STON2: variants seen among roughly 807,000 people sequenced by gnomAD.
STON2 encodes stonin 2.
STON2 carries 29 observed loss-of-function variants against 65.7 expected under a neutral mutation model. That is an observed-to-expected ratio of 0.44 (90% CI 0.33 to 0.60). The LOEUF (loss-of-function observed/expected upper bound fraction) is 0.60, where lower values mean the gene tolerates loss of function less well. Among genes scored for constraint, STON2 ranks in the 20% least tolerant of loss-of-function variants. The pLI is 0.03. For missense variants in STON2, 1,054 were observed against 1,118.1 expected (o/e 0.94, Z 0.82); for synonymous variants, 404 against 414.2 (o/e 0.98, Z 0.30).
At chr14:81,334,919 C>A (rs1298918714) in intron 4 of STON2, among the ~76,000 whole-genome samples, 1 of 152,130 alleles carries the variant, frequency 6.6e-6, no homozygotes, top group Non-Finnish European at 1.5e-5. Context: ...CTCACTGCAA[C>A]CTGTATCTCC....
In STON2 at chr14:81,382,223, A is replaced by G. The variant is rs187919560; in HGVS notation, c.374-11038T>C. Among the ~76,000 whole-genome samples, 842 of 151,068 alleles carry G rather than the reference A, an allele frequency of 5.6e-3. 5 individuals carry two copies. Among genetic ancestry groups the G allele is most frequent in the South Asian group, 0.031 (147 of 4,782 alleles). On this transcript the variant is annotated intron_variant, in intron 3 of 7. Transcript: ENST00000614646. ...GACAGAGCAAGACTCTGTCTCAAAA[A>G]AAAAGAAAAGAAAAGAAAAGAAACA...
At chr14:81,392,557 T>A (rs752098572) in intron 3 of STON2, among the ~76,000 whole-genome samples, 27 of 152,210 alleles carry the variant, frequency 1.8e-4, no homozygotes, top group Non-Finnish European at 3.7e-4. Flanking sequence ...TGTAGCATAG[T>A]CATGAAAGTG....
At chr14:81,415,490 T>C (rs773833562) in intron 2 of STON2, among the ~76,000 whole-genome samples, 1 of 151,978 alleles carries the variant, frequency 6.6e-6, no homozygotes, top group Non-Finnish European at 1.5e-5. Flanking sequence ...CTCTGCTAGA[T>C]GTTAGGGATA....
exon 2 of STON2, chr14:81,427,180 G>A (rs1380224780): frequency 4.6e-5 from 7 of 152,128 alleles, no homozygotes; most frequent in East Asian, 1.9e-4. Flanking sequence ...CTCCATCCAC[G>A]AGATGTACTT....
intron 2 of STON2, among the ~76,000 whole-genome samples, chr14:81,423,791 C>T (rs528492821): frequency 1.3e-5 from 2 of 152,222 alleles, no homozygotes; most frequent in Non-Finnish European, 2.9e-5. Context: ...AACAAGAAAC[C>T]GACGCATCCC....
At position 81,278,419 on chromosome 14, in the gene STON2, T is replaced by A; in HGVS notation, c.1063A>T (p.Asn355Tyr). The A allele has an allele frequency of 6.2e-7, 1 of 1,614,196 alleles. No homozygotes were observed. Among genetic ancestry groups the A allele is most frequent in the Non-Finnish European group, 8.5e-7 (1 of 1,180,044 alleles). Residue 355 changes from asparagine to tyrosine, a missense_variant, in exon 6 of 8, where the codon AAC becomes TAC. Physicochemically the swap from Asn to Tyr is moderately radical, Grantham distance 143. Coordinates refer to ENST00000614646, the MANE Select transcript of STON2 (RefSeq NM_001394390.1). The stretch of plus-strand genomic sequence containing the variant: ...GCCTCAGTTACAGAAGGCGTGCGGT[T>A]TAAAGAGGAAATATCCAGCTTCTGA... ...KVQKLDISSL[N>Y]RTPSVTEASP...
intron 2 of STON2, chr14:81,418,124 TG>T (rs1776287765): frequency 6.6e-6 from 1 of 152,612 alleles, no homozygotes; most frequent in African/African-American, 2.4e-5. Context: ...TACCCAAGAC[TG>T]GGCAATTTAC....
chr14:81,263,100 T>C lies in STON2; in HGVS notation c.*5314A>G. The C allele has an allele frequency of 1.0e-6, 1 of 985,388 alleles. No individual in the cohort carries two copies. The highest frequency in any genetic ancestry group is 1.2e-6 in the Non-Finnish European group (1 of 829,892). The allele number at this position is 985,388 out of a possible 1,614,324, so 61.0% of individuals were successfully genotyped here. ...CAGTGCATTTACCAAATGATATTTTTTTGTGGATTTAATTTTTTGTTAGTT... is the reference window on the plus strand; with the variant it reads ...CAGTGCATTTACCAAATGATATTTTCTTGTGGATTTAATTTTTTGTTAGTT... On this transcript the variant is annotated 3_prime_UTR_variant, in exon 8 of 8. Coordinates refer to ENST00000614646, the MANE Select transcript of STON2 (RefSeq NM_001394390.1).
chr14:81,379,608 T>C (rs1899417898), intron 3 of STON2, among the ~76,000 whole-genome samples: 1 of 152,124 alleles, frequency 6.6e-6, no homozygotes, highest in Admixed American at 6.6e-5. Context: ...CACCACAGGC[T>C]ACAATAATTA....
chr14:81,378,857 G>A (rs1899380040), intron 3 of STON2, among the ~76,000 whole-genome samples: 1 of 152,022 alleles, frequency 6.6e-6, no homozygotes, highest in African/African-American at 2.4e-5. Flanking sequence ...TATAGAAAAA[G>A]CACTAAAAAT....
In STON2 at chr14:81,277,315, G is replaced by A. The variant is rs767964985; in HGVS notation, c.2167C>T (p.Pro723Ser). 4.3e-6 allele frequency: 7 copies of A among 1,614,160 alleles called. No homozygotes were observed. In the South Asian group the frequency reaches 4.4e-5, roughly 10 times the overall value. The change falls in exon 6 of 8, where the codon CCT becomes TCT. Residue 723 changes from proline (P) to serine (S), a missense_variant. Coordinates refer to ENST00000614646, the MANE Select transcript of STON2 (RefSeq NM_001394390.1). The stretch of plus-strand genomic sequence containing the variant: ...AGCTCAAACCGGCACGCATCCAAAG[G>A]GTTGAACAGAATGACCCGTGAGTTG... Reference protein sequence around the residue: ...FHNSRVILFNPLDACRFELMR... With the variant: ...FHNSRVILFNSLDACRFELMR...
At chr14:81,310,175 G>A (rs564634832) in intron 5 of STON2, among the ~76,000 whole-genome samples, 1 of 152,138 alleles carries the variant, frequency 6.6e-6, no homozygotes, top group African/African-American at 2.4e-5. Flanking sequence ...ACTTTGGCCA[G>A]AATGAGTTAA....
chr14:81,323,277 G>A (rs1896885380), intron 5 of STON2, among the ~76,000 whole-genome samples: 1 of 152,160 alleles, frequency 6.6e-6, no homozygotes, highest in Non-Finnish European at 1.5e-5. Flanking sequence ...AGCAACTGAG[G>A]GAGAGGGCCT....
intron 4 of STON2, among the ~76,000 whole-genome samples, chr14:81,331,267 A>T (rs1431062919): frequency 6.6e-6 from 1 of 152,246 alleles, no homozygotes; most frequent in Non-Finnish European, 1.5e-5. Flanking sequence ...AGCAAGAAAG[A>T]GACTTTAGCC....
At chr14:81,434,957 C>G (rs1902359277) in intron 1 of STON2, among the ~76,000 whole-genome samples, 2 of 151,866 alleles carry the variant, frequency 1.3e-5, no homozygotes, top group Admixed American at 1.3e-4. Context: ...TTTTTTTTCT[C>G]TCTCTCTCTT....
chr14:81,436,165 G>T, intron 1 of STON2: 2 of 152,056 alleles, frequency 1.3e-5, no homozygotes, highest in South Asian at 4.1e-4. Flanking sequence ...CGCGTGGCTC[G>T]ACCAGGCAGG....
intron 4 of STON2, among the ~76,000 whole-genome samples, chr14:81,326,589 T>C (rs1897012602): frequency 6.6e-6 from 1 of 152,178 alleles, no homozygotes; most frequent in Non-Finnish European, 1.5e-5. Flanking sequence ...GTATCACAAA[T>C]TTGACACAAT....
rs570822647 is a variant in STON2, at chr14:81,416,661, G to A, written c.-199+10441C>T. 2.6e-4 allele frequency among the ~76,000 whole-genome samples: 40 copies of A among 152,276 alleles called. 1 individual carries two copies. Among genetic ancestry groups the A allele is most frequent in the African/African-American group, 7.9e-4 (33 of 41,556 alleles). On this transcript the variant is annotated intron_variant, in intron 2 of 8. Transcript: ENST00000553821. ...AACAGAGGACACCGCTGCTATAATC[G>A]TCAGCCAAGGTGTCCTACTGCTGGT... is the stretch of plus-strand genomic sequence containing the variant.
intron 5 of STON2, among the ~76,000 whole-genome samples, chr14:81,316,540 A>G (rs11846463): frequency 0.025 from 3,771 of 152,310 alleles, 160 homozygotes; most frequent in African/African-American, 0.087. Context: ...CTATCAGCAG[A>G]TTGCCAAGAA....
Sources: gnomAD v4.1 joint callset for allele counts (sites outside exome capture counted in the v4.1 genomes callset) on GRCh38, gnomAD v4.1.1 for gene constraint, MANE v1.5 for transcripts, NCBI Gene and HGNC (gene_info 2026-07-23, HGNC 2026-07-21) for gene names.